Variants in ST6GALNAC3 observed in about 807,000 individuals in gnomAD.
The protein encoded by ST6GALNAC3 is alpha-N-acetylgalactosaminide alpha-2,6-sialyltransferase 3.
In ST6GALNAC3, 25 loss-of-function variants were observed where a neutral mutation model predicts 32.7. The observed-to-expected ratio is 0.76, with a 90% CI of 0.56 to 1.07. ST6GALNAC3 has a LOEUF of 1.07. Among genes scored for constraint, ST6GALNAC3 ranks in the 50% least tolerant of loss-of-function variants. The pLI is 0.00. For missense variants in ST6GALNAC3, 355 were observed against 382.4 expected (o/e 0.93, Z 0.60); for synonymous variants, 129 against 133.1 (o/e 0.97, Z 0.21).
intron 3 of ST6GALNAC3, among the ~76,000 whole-genome samples, chr1:76,521,490 G>GATTACAGTT (rs937808844): frequency 1.3e-5 from 2 of 151,926 alleles, no homozygotes; most frequent in African/African-American, 4.8e-5. Context: ...GAATAGCTGG[G>GATTACAGTT]ATTACAGTTG....
chr1:76,133,115 C>T (rs1464802583), intron 1 of ST6GALNAC3, among the ~76,000 whole-genome samples: 2 of 152,166 alleles, frequency 1.3e-5, no homozygotes, highest in Admixed American at 1.3e-4. Context: ...CTACATCTTT[C>T]TGCTGGAGTC....
intron 2 of ST6GALNAC3, among the ~76,000 whole-genome samples, chr1:76,393,823 G>A (rs1652743577): frequency 6.6e-6 from 1 of 151,874 alleles, no homozygotes; most frequent in South Asian, 2.1e-4. Flanking sequence ...TAACAAGAGA[G>A]TCTTTAGTGC....
chr1:76,285,182 C>G (rs1201168367), intron 1 of ST6GALNAC3, among the ~76,000 whole-genome samples: 1 of 152,198 alleles, frequency 6.6e-6, no homozygotes, highest in Non-Finnish European at 1.5e-5. Context: ...TATTTCCATA[C>G]TGAAGCCCTA....
At chr1:76,266,084 AG>A (rs1473032485) in intron 1 of ST6GALNAC3, among the ~76,000 whole-genome samples, 1 of 152,182 alleles carries the variant, frequency 6.6e-6, no homozygotes, top group Non-Finnish European at 1.5e-5. Context: ...TATAGTGTTC[AG>A]GGGGCACTTA....
intron 1 of ST6GALNAC3, among the ~76,000 whole-genome samples, chr1:76,101,121 T>G (rs1647214709): frequency 6.6e-6 from 1 of 152,162 alleles, no homozygotes; most frequent in Non-Finnish European, 1.5e-5. Context: ...TCACGCAGAA[T>G]AGTGGTACTG....
intron 2 of ST6GALNAC3, among the ~76,000 whole-genome samples, chr1:76,369,822 C>T (rs1570991234): frequency 6.6e-6 from 1 of 152,070 alleles, no homozygotes; most frequent in Non-Finnish European, 1.5e-5. Flanking sequence ...AATGCTAGCT[C>T]TATAATAAGT....
At chr1:76,252,973 G>C (rs1219483368) in intron 1 of ST6GALNAC3, among the ~76,000 whole-genome samples, 1 of 152,120 alleles carries the variant, frequency 6.6e-6, no homozygotes, top group African/African-American at 2.4e-5. Context: ...GAATGCACTA[G>C]TGGGGGAGGT....
intron 3 of ST6GALNAC3, among the ~76,000 whole-genome samples, chr1:76,489,154 G>C (rs1660329004): frequency 6.6e-6 from 1 of 152,152 alleles, no homozygotes; most frequent in African/African-American, 2.4e-5. Context: ...TGCATGGATG[G>C]ATGAGTGTTC....
chr1:76,139,091 G>T (rs1570146139), intron 1 of ST6GALNAC3, among the ~76,000 whole-genome samples: 1 of 152,096 alleles, frequency 6.6e-6, no homozygotes, highest in Admixed American at 6.5e-5. Flanking sequence ...CTACTAGGGA[G>T]GCTGAGGCAG....
At chr1:76,548,784 C>G (rs1280066187) in intron 3 of ST6GALNAC3, among the ~76,000 whole-genome samples, 1 of 152,184 alleles carries the variant, frequency 6.6e-6, no homozygotes, top group Admixed American at 6.5e-5. Flanking sequence ...CTCCTACCCC[C>G]CATTTACCCT....
intron 3 of ST6GALNAC3, among the ~76,000 whole-genome samples, chr1:76,477,319 A>C (rs1270809445): frequency 6.6e-6 from 1 of 152,072 alleles, no homozygotes; most frequent in African/African-American, 2.4e-5. Context: ...TCCATTGACC[A>C]CATTCTTAAT....
At chr1:76,472,310 T>C (rs1390081482) in intron 3 of ST6GALNAC3, among the ~76,000 whole-genome samples, 1 of 152,156 alleles carries the variant, frequency 6.6e-6, no homozygotes, top group Non-Finnish European at 1.5e-5. Context: ...TTCTTTTCTG[T>C]TCTTTTCTTT....
chr1:76,074,877 T>C lies in ST6GALNAC3; in HGVS notation c.11T>C (p.Ile4Thr), dbSNP rs755091679. 4 of 1,596,212 alleles carry C rather than the reference T, an allele frequency of 2.5e-6. No individual in the cohort carries two copies. In the Admixed American group the frequency reaches 5.2e-5, roughly 21 times the overall value. The change falls in exon 1 of 5, where the codon ATC becomes ACC. Residue 4 changes from isoleucine (I) to threonine (T), a missense_variant. By Grantham distance (89) the Ile-to-Thr change is moderately conservative (BLOSUM62 -1). Transcript: ENST00000328299. ...GGCCGGCGGAGCGCCATGGCCTGCATCCTGAAGGTAACGACTTGGATCTGT... is the reference window on the plus strand; with the variant it reads ...GGCCGGCGGAGCGCCATGGCCTGCACCCTGAAGGTAACGACTTGGATCTGT... MAC[I>T]LKRKSVIAVS... is the part of the protein sequence containing the mutation.
Position 76,410,069 on chromosome 1 carries a change from T to TA in ST6GALNAC3, c.214-1938dup, listed in dbSNP as rs796555982. Among the ~76,000 whole-genome samples, 9 of 152,236 alleles carry TA rather than the reference T, an allele frequency of 5.9e-5. 1 individual carries two copies. The highest frequency in any genetic ancestry group is 2.2e-4 in the African/African-American group (9 of 41,556). On this transcript the variant is annotated intron_variant, in intron 2 of 4. Coordinates refer to ENST00000328299, the MANE Select transcript of ST6GALNAC3 (RefSeq NM_152996.4). ...TGCTTCCACCCTGGCCTCTTTTTTT[T>TA]ATCAACTTTCCACACAGTTGCCAAA...
chr1:76,353,059 C>T (rs1649125859), intron 2 of ST6GALNAC3, among the ~76,000 whole-genome samples: 1 of 152,150 alleles, frequency 6.6e-6, no homozygotes, highest in Non-Finnish European at 1.5e-5. Context: ...CCAAAGAGAT[C>T]TCTTAAATAT....
At chr1:76,167,195 G>C (rs1274348244) in intron 1 of ST6GALNAC3, among the ~76,000 whole-genome samples, 1 of 152,160 alleles carries the variant, frequency 6.6e-6, no homozygotes, top group Non-Finnish European at 1.5e-5. Flanking sequence ...TTTATCGAGA[G>C]TTTTTAACAT....
intron 2 of ST6GALNAC3, among the ~76,000 whole-genome samples, chr1:76,342,411 T>G (rs746067169): frequency 6.6e-6 from 1 of 152,208 alleles, no homozygotes; most frequent in Non-Finnish European, 1.5e-5. Context: ...TCTAACGGCA[T>G]GAGATGGTAT....
At chr1:76,403,543 C>G (rs1331179512) in intron 2 of ST6GALNAC3, among the ~76,000 whole-genome samples, 1 of 152,050 alleles carries the variant, frequency 6.6e-6, no homozygotes, top group Non-Finnish European at 1.5e-5. Context: ...GGGACTTAAA[C>G]AAAATTATGT....
At chr1:76,310,559 G>A (rs985259275) in intron 1 of ST6GALNAC3, among the ~76,000 whole-genome samples, 1 of 152,112 alleles carries the variant, frequency 6.6e-6, no homozygotes, top group Admixed American at 6.6e-5. Flanking sequence ...ACTCCTGGGG[G>A]CTGGTTCCAT....
Sources: allele counts gnomAD v4.1 joint callset (sites outside exome capture counted in the v4.1 genomes callset), GRCh38; gene constraint gnomAD v4.1.1; transcripts MANE v1.5; gene names NCBI Gene and HGNC (gene_info 2026-07-23, HGNC 2026-07-21).